Variants in IRAK2 observed in about 807,000 individuals in gnomAD.
IRAK2 encodes the protein interleukin-1 receptor-associated kinase-like 2.
A neutral mutation model predicts 72.0 loss-of-function variants in IRAK2; 57 were observed. That is an observed-to-expected ratio of 0.79 (90% CI 0.64 to 0.99). The LOEUF (loss-of-function observed/expected upper bound fraction) is 0.99, where lower values mean the gene tolerates loss of function less well. IRAK2 is among the 50% of genes least tolerant of loss of function. IRAK2 has a pLI of 0.00. For missense variants in IRAK2, 790 were observed against 794.4 expected (o/e 0.99, Z 0.07); for synonymous variants, 293 against 312.7 (o/e 0.94, Z 0.67).
At chr3:10,231,829 T>G (rs1380533964) in intron 10 of IRAK2, among the ~76,000 whole-genome samples, 1 of 152,072 alleles carries the variant, frequency 6.6e-6, no homozygotes, top group Non-Finnish European at 1.5e-5. Context: ...TTATGTTTCT[T>G]AAGACTCTTA....
At chr3:10,198,205 C>T (rs1461829402) in intron 2 of IRAK2, among the ~76,000 whole-genome samples, 4 of 152,152 alleles carry the variant, frequency 2.6e-5, no homozygotes, top group Non-Finnish European at 5.9e-5. Context: ...TCTCAAAAAA[C>T]AAAACAAAAC....
At chr3:10,190,889 C>T (rs1697164237) in intron 2 of IRAK2, among the ~76,000 whole-genome samples, 1 of 152,192 alleles carries the variant, frequency 6.6e-6, no homozygotes, top group African/African-American at 2.4e-5. Flanking sequence ...GCTAAGTCAT[C>T]TAGAACATGT....
intron 2 of IRAK2, among the ~76,000 whole-genome samples, chr3:10,185,275 C>T (rs1003566347): frequency 2.7e-5 from 4 of 150,614 alleles, no homozygotes; most frequent in Admixed American, 6.6e-5. Flanking sequence ...AACCACTGCT[C>T]GGCCCGGCGC....
chr3:10,185,426 G>T (rs1410899477), intron 2 of IRAK2, among the ~76,000 whole-genome samples: 1 of 149,952 alleles, frequency 6.7e-6, no homozygotes, highest in African/African-American at 2.5e-5. Context: ...GCGTGGTGGT[G>T]CATGCCTGTA....
chr3:10,215,381 G>A, intron 6 of IRAK2, among the ~76,000 whole-genome samples: 1 of 113,386 alleles, frequency 8.8e-6, no homozygotes, highest in Non-Finnish European at 1.7e-5. Flanking sequence ...GCAATAGAGT[G>A]AGACTCTGTC....
Position 10,238,916 on chromosome 3 carries a change from T to A in IRAK2, c.1642T>A (p.Trp548Arg), listed in dbSNP as rs773192345. ...DASSSMSVAP[W>R]AGAATPLLPT... ...CTCCTCCTCCATGAGTGTGGCACCC[T>A]GGGCAGGGGCTGCCACCCCACTTCT... Residue 548 changes from tryptophan to arginine, a missense_variant, in exon 12 of 13, where the codon TGG becomes AGG. By Grantham distance (101) the Trp-to-Arg change is moderately radical. Coordinates refer to ENST00000256458, the MANE Select transcript of IRAK2 (RefSeq NM_001570.4). 6.2e-7 allele frequency: 1 copy of A among 1,614,110 alleles called. No homozygotes were observed. Among genetic ancestry groups the A allele is most frequent in the East Asian group, 2.2e-5 (1 of 44,874 alleles).
intron 2 of IRAK2, among the ~76,000 whole-genome samples, chr3:10,189,251 A>G (rs1463534824): frequency 6.6e-6 from 1 of 152,210 alleles, no homozygotes; most frequent in East Asian, 1.9e-4. Flanking sequence ...ATAGTGGACC[A>G]AGAAGTGAAG....
chr3:10,177,432 C>T lies in IRAK2; in HGVS notation c.95-406C>T, dbSNP rs372909133. 3.9e-5 allele frequency among the ~76,000 whole-genome samples: 6 copies of T among 152,312 alleles called. No homozygotes were observed. In the South Asian group the frequency reaches 1.0e-3, roughly 26 times the overall value. On this transcript the variant is annotated intron_variant, in intron 1 of 12. Coordinates refer to ENST00000256458, the MANE Select transcript of IRAK2 (RefSeq NM_001570.4). ...GGCCCCACCTCCACTCTGAACCAGG[C>T]ACTATTCTCAATTCTGGGGAAGTAA...
chr3:10,202,667 C>G (rs1421876723), intron 3 of IRAK2, among the ~76,000 whole-genome samples: 1 of 149,302 alleles, frequency 6.7e-6, no homozygotes, highest in South Asian at 2.1e-4. Context: ...TCTCTGTCAG[C>G]CTTTGCTGTT....
chr3:10,191,884 A>G (rs138493999), intron 2 of IRAK2, among the ~76,000 whole-genome samples: 3 of 152,326 alleles, frequency 2.0e-5, no homozygotes, highest in Admixed American at 6.5e-5. Flanking sequence ...CACAAAATGA[A>G]TGAATGAATG....
At chr3:10,204,530 C>T (rs1046371554) in intron 3 of IRAK2, among the ~76,000 whole-genome samples, 2 of 152,166 alleles carry the variant, frequency 1.3e-5, no homozygotes, top group African/African-American at 2.4e-5. Flanking sequence ...AGTCGGATCA[C>T]CTCAGGTCAG....
In IRAK2 at chr3:10,200,491, A is replaced by G; in HGVS notation, c.400A>G (p.Arg134Gly). ...TGAACAGGAAGAGGGGCAGCCTGTG[A>G]GGATGGCCACCTTTCCAGGCCCAGG... is the stretch of plus-strand genomic sequence containing the variant. ...EDEQEEGQPVRMATFPGPGSS... is the reference protein window; with the variant it reads ...EDEQEEGQPVGMATFPGPGSS... Residue 134 changes from arginine to glycine, a missense_variant, in exon 3 of 13, where the codon AGG becomes GGG. Arg to Gly is a moderately radical substitution (Grantham distance 125). Coordinates refer to ENST00000256458, the MANE Select transcript of IRAK2 (RefSeq NM_001570.4). 6.3e-7 allele frequency: 1 copy of G among 1,585,388 alleles called. No individual in the cohort carries two copies. The highest frequency in any genetic ancestry group is 1.8e-5 in the Admixed American group (1 of 55,532).
intron 1 of IRAK2, among the ~76,000 whole-genome samples, chr3:10,169,365 G>C (rs552356316): frequency 1.1e-4 from 16 of 152,238 alleles, no homozygotes; most frequent in African/African-American, 3.9e-4. Flanking sequence ...CACTGCAGGA[G>C]ACCAGGGCAT....
At chr3:10,217,141 G>C in intron 7 of IRAK2, 93 bp downstream of exon 7, 1 of 890,654 alleles carries the variant, frequency 1.1e-6, no homozygotes, top group Non-Finnish European at 1.9e-6. Context: ...AGAGGGGAGA[G>C]GGGCCATCTA....
chr3:10,182,287 C>CT (rs564399732), intron 2 of IRAK2, among the ~76,000 whole-genome samples: 4,407 of 128,690 alleles, frequency 0.034, 218 homozygotes, highest in African/African-American at 0.1. Context: ...TTCTTTTTTT[C>CT]TTTTTTTTTT....
At chr3:10,228,949 T>TC (rs397764370) in intron 10 of IRAK2, among the ~76,000 whole-genome samples, 1 of 151,902 alleles carries the variant, frequency 6.6e-6, no homozygotes. Flanking sequence ...TTTTTTTTTT[T>TC]CGAGACAGAG....
chr3:10,233,777 T>C (rs1227737260), intron 10 of IRAK2, among the ~76,000 whole-genome samples: 1 of 152,212 alleles, frequency 6.6e-6, no homozygotes, highest in East Asian at 1.9e-4. Context: ...CTATTGAATG[T>C]TCCGTGTCAG....
At position 10,214,391 on chromosome 3, in the gene IRAK2, C is replaced by CTTTTT. The variant is rs534445139; in HGVS notation, c.788+859_788+863dup. Among the ~76,000 whole-genome samples the CTTTTT allele has an allele frequency of 1.5e-3, 142 of 95,406 alleles. 5 individuals are homozygous for CTTTTT. Among genetic ancestry groups the CTTTTT allele is most frequent in the African/African-American group, 2.1e-3 (50 of 23,470 alleles). 62.6% of individuals were successfully genotyped at this position (95,406 alleles called of 152,430 possible). Reference sequence around the variant, plus strand: ...AGGTGTGCGCCCAGCTCATTTTTTGCTTTTTTTTTTTTTTTTTTTTGTAGA... The same window carrying CTTTTT: ...AGGTGTGCGCCCAGCTCATTTTTTGCTTTTTTTTTTTTTTTTTTTTTTTTTGTAGA... On this transcript the variant is annotated intron_variant, in intron 6 of 12. Coordinates refer to ENST00000256458, the MANE Select transcript of IRAK2 (RefSeq NM_001570.4).
intron 11 of IRAK2, among the ~76,000 whole-genome samples, chr3:10,236,342 G>GTTTTTTTTTTTTTT (rs34423993): frequency 7.0e-5 from 7 of 99,666 alleles, no homozygotes; most frequent in African/African-American, 2.6e-4. Flanking sequence ...AGCCACTAAG[G>GTTTTTTTTTTTTTT]TTTTTTTTTT....
Sources: gnomAD v4.1 joint callset for allele counts (sites outside exome capture counted in the v4.1 genomes callset) on GRCh38, gnomAD v4.1.1 for gene constraint, MANE v1.5 for transcripts, NCBI Gene and HGNC (gene_info 2026-07-23, HGNC 2026-07-21) for gene names.